The following SAMTOR variants were observed in gnomAD, a reference collection of about 807,000 sequenced individuals.
SAMTOR encodes the protein S-adenosylmethionine sensor upstream of mTORC1, also known as UPF0532 protein C7orf60.
the SAMTOR span, among the ~76,000 whole-genome samples, chr7:112,905,738 A>C: frequency 4.6e-5 from 7 of 152,070 alleles, no homozygotes; most frequent in Non-Finnish European, 8.8e-5. Context: ...CCTAATATAA[A>C]CACTCAATAA....
chr7:112,883,529 A>G, the SAMTOR span, among the ~76,000 whole-genome samples: 1 of 152,242 alleles, frequency 6.6e-6, no homozygotes, highest in Non-Finnish European at 1.5e-5. Flanking sequence ...CTTAAAGTCA[A>G]AACTGTATTC....
the SAMTOR span, among the ~76,000 whole-genome samples, chr7:112,907,065 G>C: frequency 2.0e-5 from 3 of 152,110 alleles, no homozygotes; most frequent in Non-Finnish European, 4.4e-5. Context: ...TGTGAGATGG[G>C]GGTATGGAGA....
chr7:112,902,862 A>G, the SAMTOR span, among the ~76,000 whole-genome samples: 1 of 152,222 alleles, frequency 6.6e-6, no homozygotes, highest in South Asian at 2.1e-4. Context: ...CAACCTTGGG[A>G]TAAATATATC....
At chr7:112,851,675 C>T in the SAMTOR span, among the ~76,000 whole-genome samples, 1 of 152,084 alleles carries the variant, frequency 6.6e-6, no homozygotes, top group Non-Finnish European at 1.5e-5. Context: ...GACTTAAAAG[C>T]TTCTGCACAG....
At chr7:112,868,820 G>A in the SAMTOR span, among the ~76,000 whole-genome samples, 2 of 152,240 alleles carry the variant, frequency 1.3e-5, no homozygotes, top group East Asian at 3.8e-4. Context: ...GTCTCCTGTT[G>A]CAAGACCGGA....
chr7:112,863,031 T>C, the SAMTOR span, among the ~76,000 whole-genome samples: 1 of 152,010 alleles, frequency 6.6e-6, no homozygotes, highest in African/African-American at 2.4e-5. Flanking sequence ...CTTCAAACTA[T>C]ACTACAGGGC....
chr7:112,822,301 C>G, the SAMTOR span: 1 of 1,613,470 alleles, frequency 6.2e-7, no homozygotes, highest in Non-Finnish European at 8.5e-7. Context: ...TTCAAAAAAG[C>G]ATCTATAGCA....
the SAMTOR span, among the ~76,000 whole-genome samples, chr7:112,920,032 T>G: frequency 6.6e-6 from 1 of 152,056 alleles, no homozygotes; most frequent in Admixed American, 6.5e-5. Flanking sequence ...AAGGAGGAAC[T>G]GGTACCATTC....
At chr7:112,828,333 A>C in the SAMTOR span, among the ~76,000 whole-genome samples, 1 of 152,134 alleles carries the variant, frequency 6.6e-6, no homozygotes, top group Non-Finnish European at 1.5e-5. Flanking sequence ...GTGAGGGAGA[A>C]TCTAATCAAT....
At chr7:112,825,197 T>G in the SAMTOR span, among the ~76,000 whole-genome samples, 3 of 146,042 alleles carry the variant, frequency 2.1e-5, no homozygotes, top group African/African-American at 7.5e-5. Flanking sequence ...AATTTTTCTA[T>G]TTTTTTTTTT....
At chr7:112,937,222 T>C in the SAMTOR span, among the ~76,000 whole-genome samples, 4 of 152,326 alleles carry the variant, frequency 2.6e-5, no homozygotes, top group African/African-American at 9.6e-5. Context: ...CACTGCTAAA[T>C]GCTAAGAGGT....
the SAMTOR span, among the ~76,000 whole-genome samples, chr7:112,836,771 T>G: frequency 6.6e-6 from 1 of 152,124 alleles, no homozygotes; most frequent in Non-Finnish European, 1.5e-5. Flanking sequence ...GTTTTATTTC[T>G]GGGTTCTCTA....
chr7:112,928,337 T>C, the SAMTOR span, among the ~76,000 whole-genome samples: 1 of 151,944 alleles, frequency 6.6e-6, no homozygotes, highest in Non-Finnish European at 1.5e-5. Context: ...TCCTTCAAAA[T>C]GTAACTGAAT....
At chr7:112,869,411 A>C in the SAMTOR span, among the ~76,000 whole-genome samples, 41 of 152,114 alleles carry the variant, frequency 2.7e-4, no homozygotes, top group African/African-American at 9.2e-4. Flanking sequence ...CCACCAAACA[A>C]GAATACATCT....
At chr7:112,863,573 A>T in the SAMTOR span, among the ~76,000 whole-genome samples, 1 of 152,244 alleles carries the variant, frequency 6.6e-6, no homozygotes, top group African/African-American at 2.4e-5. Flanking sequence ...CAACGAACTT[A>T]AACAAATTTA....
At chr7:112,896,045 A>G in the SAMTOR span, among the ~76,000 whole-genome samples, 2 of 152,200 alleles carry the variant, frequency 1.3e-5, no homozygotes, top group African/African-American at 2.4e-5. Flanking sequence ...CAAAGCTTAC[A>G]TAACTCTACT....
chr7:112,851,098 TC>T, the SAMTOR span, among the ~76,000 whole-genome samples: 1 of 152,094 alleles, frequency 6.6e-6, no homozygotes, highest in Non-Finnish European at 1.5e-5. Context: ...TGGAAAAACA[TC>T]CCATGCTTAT....
chr7:112,882,315 A>T, the SAMTOR span, among the ~76,000 whole-genome samples: 26 of 152,356 alleles, frequency 1.7e-4, no homozygotes, highest in South Asian at 1.9e-3. Context: ...AGTGGGCTCA[A>T]GCAAAACTTG....
the SAMTOR span, among the ~76,000 whole-genome samples, chr7:112,907,929 C>G: frequency 6.6e-6 from 1 of 151,980 alleles, no homozygotes; most frequent in East Asian, 1.9e-4. Flanking sequence ...TTTGGCAGCA[C>G]ATCTAATAAA....
Sources: allele counts gnomAD v4.1 joint callset (sites outside exome capture counted in the v4.1 genomes callset), GRCh38; gene constraint gnomAD v4.1.1; transcripts MANE v1.5; gene names NCBI Gene and HGNC (gene_info 2026-07-23, HGNC 2026-07-21).